The following MAP2K6 variants were observed in gnomAD, a reference collection of about 807,000 sequenced individuals.
MAP2K6 encodes dual specificity mitogen-activated protein kinase kinase 6.
In MAP2K6, 16 loss-of-function variants were observed where a neutral mutation model predicts 53.7. The observed-to-expected ratio is 0.30, with a 90% CI of 0.20 to 0.45. The LOEUF (loss-of-function observed/expected upper bound fraction) is 0.45. Ranked by LOEUF, MAP2K6 falls within the 20% of genes least tolerant of loss-of-function variation. The probability of loss-of-function intolerance (pLI) is 1.00; values close to 1 mark genes in which losing one functional copy is unlikely to be tolerated. For missense variants in MAP2K6, 204 were observed against 411.9 expected (o/e 0.50, Z 4.37); for synonymous variants, 132 against 143.1 (o/e 0.92, Z 0.55).
chr17:69,552,656 G>C lies in MAP2K6; in HGVS notation c.*10903G>C, dbSNP rs1006872594. The C allele has an allele frequency of 1.3e-5, 2 of 152,112 alleles. No homozygotes were observed. Among genetic ancestry groups the C allele is most frequent in the East Asian group, 3.9e-4 (2 of 5,192 alleles). 9.4% of individuals were successfully genotyped at this position (152,112 alleles called of 1,614,324 possible). ...CTGAAGAAGGAAAGAAGGAGTTGGG[G>C]GTGTATATCTAACTGTGTTTTTCTA... is the stretch of plus-strand genomic sequence containing the variant. On this transcript the variant is annotated 3_prime_UTR_variant, in exon 12 of 12. Transcript: ENST00000590474.
At chr17:69,508,248 G>A (rs1302710519) in intron 2 of MAP2K6, among the ~76,000 whole-genome samples, 3 of 150,444 alleles carry the variant, frequency 2.0e-5, no homozygotes, top group Admixed American at 6.6e-5. Context: ...TGGTAGAGAC[G>A]GGGTTTCACC....
At chr17:69,429,973 C>T (rs189400745) in intron 1 of MAP2K6, among the ~76,000 whole-genome samples, 2 of 152,246 alleles carry the variant, frequency 1.3e-5, no homozygotes, top group East Asian at 3.9e-4. Context: ...AACAGGTGAG[C>T]AGCAGAGGCT....
chr17:69,538,568 A>T (rs974218745), intron 11 of MAP2K6, among the ~76,000 whole-genome samples: 3 of 152,230 alleles, frequency 2.0e-5, no homozygotes, highest in African/African-American at 7.2e-5. Flanking sequence ...GCTGAGAGGC[A>T]ATTGTTTAGA....
At chr17:69,526,532 G>A in intron 9 of MAP2K6, 38 bp from the exon 10 acceptor site, 1 of 1,604,944 alleles carries the variant, frequency 6.2e-7, no homozygotes, top group South Asian at 1.1e-5. Context: ...AAGCAGCCCT[G>A]TTGAAACTGT....
At chr17:69,437,671 A>G (rs1398728894) in intron 1 of MAP2K6, among the ~76,000 whole-genome samples, 1 of 152,194 alleles carries the variant, frequency 6.6e-6, no homozygotes, top group Non-Finnish European at 1.5e-5. Context: ...CATCACCACT[A>G]TCTAATTCCA....
chr17:69,512,328 GTTTTTTTTTTGTTTTTTTTTT>G (rs1414031797), intron 2 of MAP2K6, among the ~76,000 whole-genome samples: 1 of 75,184 alleles, frequency 1.3e-5, no homozygotes, highest in Non-Finnish European at 2.6e-5. Context: ...CTTTCTAAGT[GTTTTTTTTTTGTTTTTTTTTT>G]TTTTTTTTGA....
intron 1 of MAP2K6, among the ~76,000 whole-genome samples, chr17:69,497,106 G>A (rs1186325662): frequency 6.6e-6 from 1 of 152,186 alleles, no homozygotes; most frequent in Non-Finnish European, 1.5e-5. Flanking sequence ...TTATTTGTGA[G>A]CCAGATTGCT....
chr17:69,469,620 A>G (rs1205598068), intron 1 of MAP2K6, among the ~76,000 whole-genome samples: 5 of 152,040 alleles, frequency 3.3e-5, no homozygotes, highest in Non-Finnish European at 7.4e-5. Flanking sequence ...AAAATTAGCC[A>G]GGCATGGTGG....
chr17:69,468,828 A>C (rs559002427), intron 1 of MAP2K6, among the ~76,000 whole-genome samples: 1 of 152,322 alleles, frequency 6.6e-6, no homozygotes, highest in South Asian at 2.1e-4. Context: ...ACAAAACAAA[A>C]GAAAACAGAA....
At chr17:69,528,861 A>G (rs894997139) in intron 10 of MAP2K6, among the ~76,000 whole-genome samples, 12 of 22,258 alleles carry the variant, frequency 5.4e-4, no homozygotes, top group East Asian at 4.5e-3. Context: ...CGCCATCTCA[A>G]AAAAAAAAAA....
chr17:69,439,883 T>C (rs1313946226), intron 1 of MAP2K6, among the ~76,000 whole-genome samples: 1 of 152,204 alleles, frequency 6.6e-6, no homozygotes, highest in Non-Finnish European at 1.5e-5. Context: ...CACCAGACAC[T>C]GTGCTAAATA....
intron 1 of MAP2K6, among the ~76,000 whole-genome samples, chr17:69,455,598 G>A (rs891307746): frequency 3.9e-5 from 6 of 152,072 alleles, no homozygotes; most frequent in Admixed American, 3.9e-4. Context: ...TGTCAAAGGC[G>A]GGGCATTATG....
At chr17:69,485,054 G>A (rs1293401082) in intron 1 of MAP2K6, among the ~76,000 whole-genome samples, 1 of 152,100 alleles carries the variant, frequency 6.6e-6, no homozygotes, top group East Asian at 1.9e-4. Context: ...CCATTGAATT[G>A]TACAATTAAA....
At chr17:69,525,895 A>G (rs1157342474) in intron 9 of MAP2K6, among the ~76,000 whole-genome samples, 4 of 152,212 alleles carry the variant, frequency 2.6e-5, no homozygotes, top group Non-Finnish European at 5.9e-5. Flanking sequence ...CTAAAGTTAT[A>G]TGATTTATTC....
intron 1 of MAP2K6, among the ~76,000 whole-genome samples, chr17:69,480,180 C>T (rs960701059): frequency 2.0e-5 from 3 of 152,212 alleles, no homozygotes; most frequent in Non-Finnish European, 2.9e-5. Flanking sequence ...TTCTAAAGAA[C>T]GTAGCATCAT....
chr17:69,444,914 C>A (rs1036211468), intron 1 of MAP2K6, among the ~76,000 whole-genome samples: 8 of 152,082 alleles, frequency 5.3e-5, no homozygotes, highest in Admixed American at 2.0e-4. Context: ...AGCACATTTT[C>A]TTTTATTTTT....
chr17:69,419,074 A>G (rs371944062), intron 1 of MAP2K6, among the ~76,000 whole-genome samples: 1 of 152,306 alleles, frequency 6.6e-6, no homozygotes, highest in African/African-American at 2.4e-5. Flanking sequence ...ATACTCTACC[A>G]TATATCTTGG....
At chr17:69,528,859 CAAAAAAAA>C (rs58897757) in intron 10 of MAP2K6, among the ~76,000 whole-genome samples, 13 of 59,090 alleles carry the variant, frequency 2.2e-4, no homozygotes, top group Admixed American at 2.9e-4. Context: ...GACGCCATCT[CAAAAAAAA>C]AAAAAAAAAA....
intron 2 of MAP2K6, among the ~76,000 whole-genome samples, chr17:69,510,852 G>T (rs1434515198): frequency 6.9e-6 from 1 of 145,670 alleles, no homozygotes; most frequent in African/African-American, 2.5e-5. Context: ...TGTTAAATTT[G>T]TCAATTTTGC....
Sources: allele counts gnomAD v4.1 joint callset (sites outside exome capture counted in the v4.1 genomes callset), GRCh38; gene constraint gnomAD v4.1.1; transcripts MANE v1.5; gene names NCBI Gene and HGNC (gene_info 2026-07-23, HGNC 2026-07-21).